Variants in AP1B1 observed in about 807,000 individuals in gnomAD.
The protein encoded by AP1B1 is adaptor related protein complex 1 subunit beta 1.
Under a neutral mutation model 104.3 loss-of-function variants are expected in AP1B1, and 36 were observed. That is an observed-to-expected ratio of 0.35 (90% CI 0.26 to 0.46). AP1B1 has a LOEUF of 0.46. AP1B1 is among the 20% of genes least tolerant of loss of function. The pLI, the probability that AP1B1 is intolerant of heterozygous loss-of-function variation, is 1.00. For missense variants in AP1B1, 901 were observed against 1,247.9 expected (o/e 0.72, Z 4.19); for synonymous variants, 504 against 517.5 (o/e 0.97, Z 0.35).
At chr22:29,351,624 AC>A in intron 8 of AP1B1, 80 bp downstream of exon 8, 1 of 1,555,502 alleles carries the variant, frequency 6.4e-7, no homozygotes, top group Non-Finnish European at 8.7e-7. Flanking sequence ...GAGACTGGTC[AC>A]CTGGGCCAGA....
chr22:29,363,715 G>A (rs1397108172), intron 2 of AP1B1, among the ~76,000 whole-genome samples: 1 of 151,852 alleles, frequency 6.6e-6, no homozygotes, highest in African/African-American at 2.4e-5. Flanking sequence ...GTAACATAGT[G>A]AGACCTCGTT....
chr22:29,355,252 A>T (rs2061938575), intron 6 of AP1B1, among the ~76,000 whole-genome samples: 1 of 149,196 alleles, frequency 6.7e-6, no homozygotes, highest in Non-Finnish European at 1.5e-5. Context: ...AAAAAAAAAT[A>T]GCATGTTCAG....
chr22:29,373,925 C>T (rs1365449510), intron 1 of AP1B1, among the ~76,000 whole-genome samples: 1 of 123,882 alleles, frequency 8.1e-6, no homozygotes, highest in East Asian at 2.5e-4. Context: ...AGGCAAGGCA[C>T]GGTGGCTCAC....
chr22:29,330,068 C>T (rs1047208918), intron 21 of AP1B1: 2 of 1,412,638 alleles, frequency 1.4e-6, no homozygotes, highest in African/African-American at 1.4e-5. Flanking sequence ...AGGACAGGGC[C>T]AGGGCCTGTG....
chr22:29,364,472 G>A (rs955017096), intron 2 of AP1B1, among the ~76,000 whole-genome samples: 1 of 152,190 alleles, frequency 6.6e-6, no homozygotes, highest in Non-Finnish European at 1.5e-5. Context: ...ATGCTGGAGT[G>A]CAGTGGCCCC....
chr22:29,370,313 C>T (rs2062212096), intron 1 of AP1B1, among the ~76,000 whole-genome samples: 1 of 151,644 alleles, frequency 6.6e-6, no homozygotes, highest in Non-Finnish European at 1.5e-5. Context: ...ATTAGCTGGG[C>T]GTGGTGGCAT....
chr22:29,362,939 C>G, intron 3 of AP1B1, 62 bp downstream of exon 3: 1 of 1,067,294 alleles, frequency 9.4e-7, no homozygotes. Context: ...GAAGTGGACC[C>G]AAGCTATAAA....
rs2061511413 is a variant in AP1B1 at position 29,328,638 on chromosome 22, T to C, written c.*183A>G. On this transcript the variant is annotated 3_prime_UTR_variant, in exon 23 of 23. Transcript: ENST00000357586. The surrounding 1 kb of genome is among the most constrained non-coding windows in gnomAD (Gnocchi z 4.1). Reference sequence around the variant, plus strand: ...CAGAGCACGGGAGTGCACTGCGCTCTCACCCCAGGAGGGGGTGGTGCCCTA... The same window carrying C: ...CAGAGCACGGGAGTGCACTGCGCTCCCACCCCAGGAGGGGGTGGTGCCCTA... The C allele has an allele frequency of 2.9e-6, 2 of 688,648 alleles. No individual in the cohort carries two copies. The highest frequency in any genetic ancestry group is 3.8e-5 in the South Asian group (2 of 52,944). 42.7% of individuals were successfully genotyped at this position (688,648 alleles called of 1,614,324 possible).
At chr22:29,366,624 C>T (rs554896979) in intron 2 of AP1B1, among the ~76,000 whole-genome samples, 2 of 151,724 alleles carry the variant, frequency 1.3e-5, no homozygotes, top group Non-Finnish European at 2.9e-5. Flanking sequence ...AGCGAAACTC[C>T]GTCTCAAAAA....
intron 11 of AP1B1, 21 bp from the exon 12 acceptor site, chr22:29,342,404 G>T: frequency 6.2e-7 from 1 of 1,603,294 alleles, no homozygotes; most frequent in Non-Finnish European, 8.5e-7. Context: ...CAGCGGTGAC[G>T]AGGAGGAAGT....
At chr22:29,364,609 G>T (rs138975072) in intron 2 of AP1B1, among the ~76,000 whole-genome samples, 2,767 of 152,180 alleles carry the variant, frequency 0.018, 28 homozygotes, top group South Asian at 0.045. Flanking sequence ...AGTACAGACG[G>T]GGTTTCACCA....
chr22:29,329,387 T>C, intron 22 of AP1B1: 1 of 1,244,978 alleles, frequency 8.0e-7, no homozygotes, highest in Non-Finnish European at 1.0e-6. Context: ...GAGCTTGAGA[T>C]CACAGGCAGA....
chr22:29,339,138 A>T lies in AP1B1; in HGVS notation c.2020-5T>A. On this transcript the variant is annotated splice_region_variant and splice_polypyrimidine_tract_variant and intron_variant, in intron 15 of 22. Coordinates refer to ENST00000357586, the MANE Select transcript of AP1B1 (RefSeq NM_001127.4). ...CACGAAGTTGGTGCCCCCAATCTGGAAAGGGAGGGAAAGAGTCAGAGGTGG... is the reference window on the plus strand; with the variant it reads ...CACGAAGTTGGTGCCCCCAATCTGGTAAGGGAGGGAAAGAGTCAGAGGTGG... The T allele has an allele frequency of 1.2e-6, 2 of 1,613,968 alleles. No homozygotes were observed. The highest frequency in any genetic ancestry group is 8.5e-7 in the Non-Finnish European group (1 of 1,179,932).
Position 29,328,476 on chromosome 22 carries a change from G to A in AP1B1, c.*345C>T, listed in dbSNP as rs1028493693. On this transcript the variant is annotated 3_prime_UTR_variant, in exon 23 of 23. Transcript: ENST00000357586. The surrounding 1 kb of genome is among the most constrained non-coding windows in gnomAD (Gnocchi z 4.1). The stretch of plus-strand genomic sequence containing the variant: ...AACCGGAGAGACCAAGGAGCCAGGG[G>A]CTGCCGGGGCTGTGAGCCGGAGGGG... 4.0e-6 allele frequency: 1 copy of A among 251,572 alleles called. No individual in the cohort carries two copies. Among genetic ancestry groups the A allele is most frequent in the South Asian group, 5.8e-5 (1 of 17,340 alleles). The allele number at this position is 251,572 out of a possible 1,614,324, so 15.6% of individuals were successfully genotyped here. A position where few individuals can be genotyped will look rare whatever the true frequency, so the allele number is the denominator to read the frequency against.
intron 2 of AP1B1, among the ~76,000 whole-genome samples, chr22:29,366,624 C>A (rs554896979): frequency 6.6e-6 from 1 of 151,842 alleles, no homozygotes; most frequent in South Asian, 2.1e-4. Context: ...AGCGAAACTC[C>A]GTCTCAAAAA....
intron 10 of AP1B1, among the ~76,000 whole-genome samples, chr22:29,349,763 G>A (rs989324651): frequency 6.6e-6 from 1 of 152,080 alleles, no homozygotes; most frequent in African/African-American, 2.4e-5. Context: ...CAATCCACCC[G>A]CCTCGGCCTC....
intron 1 of AP1B1, among the ~76,000 whole-genome samples, chr22:29,376,961 C>T (rs1025596970): frequency 6.6e-6 from 1 of 151,802 alleles, no homozygotes; most frequent in African/African-American, 2.4e-5. Flanking sequence ...TTTGGGAGGC[C>T]GAGGTGGGAG....
At chr22:29,332,540 T>TG (rs1189136839) in intron 17 of AP1B1, among the ~76,000 whole-genome samples, 1 of 152,110 alleles carries the variant, frequency 6.6e-6, no homozygotes, top group Non-Finnish European at 1.5e-5. Context: ...GGCATGGGAC[T>TG]GGGGGCACAA....
At chr22:29,341,876 C>A in intron 12 of AP1B1, 116 bp from the exon 13 acceptor site, 1 of 1,232,536 alleles carries the variant, frequency 8.1e-7, no homozygotes, top group Non-Finnish European at 1.1e-6. Context: ...GGACAGCAGT[C>A]CTGAGTGCTC....
Sources: allele counts gnomAD v4.1 joint callset (sites outside exome capture counted in the v4.1 genomes callset), GRCh38; gene constraint gnomAD v4.1.1; non-coding constraint Gnocchi (gnomAD v3.1); transcripts MANE v1.5; gene names NCBI Gene and HGNC (gene_info 2026-07-23, HGNC 2026-07-21).